The following PRH1 variants were observed in gnomAD, a reference collection of about 807,000 sequenced individuals.
PRH1 encodes the protein proline rich protein HaeIII subfamily 1.
PRH1 carries 7 observed loss-of-function variants against 7.9 expected under a neutral mutation model. That is an observed-to-expected ratio of 0.89 (90% CI 0.50 to 1.67). The LOEUF (loss-of-function observed/expected upper bound fraction) is 1.67. PRH1 is among the 40% of genes most tolerant of loss of function. The probability of loss-of-function intolerance (pLI) is 0.00; values close to 1 mark genes in which losing one functional copy is unlikely to be tolerated. For synonymous variants in PRH1, 45 were observed against 80.8 expected (o/e 0.56, Z 2.38); for missense variants, 109 against 223.6 (o/e 0.49, Z 3.27).
chr12:10,964,919 A>G, intron 2 of PRH1: 1 of 589,842 alleles, frequency 1.7e-6, no homozygotes, highest in Non-Finnish European at 3.1e-6. Context: ...GTTTACCACA[A>G]CAAGATGACA....
intron 2 of PRH1, among the ~76,000 whole-genome samples, chr12:10,970,462 A>C: frequency 6.6e-6 from 1 of 152,206 alleles, no homozygotes; most frequent in East Asian, 1.9e-4. Context: ...GCAATGTATC[A>C]ATATTCAAAA....
At chr12:11,096,050 T>C (rs990594664) in intron 1 of PRH1, among the ~76,000 whole-genome samples, 3 of 113,776 alleles carry the variant, frequency 2.6e-5, no homozygotes, top group African/African-American at 8.9e-5. Flanking sequence ...TGTCATTTTA[T>C]GTTAATTTGG....
chr12:10,908,744 C>A, intron 2 of PRH1: 2 of 1,613,848 alleles, frequency 1.2e-6, no homozygotes, highest in South Asian at 2.2e-5. Flanking sequence ...TTAGACTGAA[C>A]ATAGTCATAG....
At chr12:11,060,530 A>T (rs73053046) in intron 1 of PRH1, among the ~76,000 whole-genome samples, 32,247 of 141,860 alleles carry the variant, frequency 0.23, 3,247 homozygotes, top group Non-Finnish European at 0.25. Flanking sequence ...TCTCAACTTC[A>T]AAAAAAAAGC....
chr12:11,047,839 C>T (rs1327942103), upstream of PRH1, among the ~76,000 whole-genome samples: 3 of 152,162 alleles, frequency 2.0e-5, no homozygotes, highest in Non-Finnish European at 4.4e-5. Context: ...ATAAAACCTA[C>T]CCCAAAGATC....
chr12:11,018,918 A>T lies in PRH1; in HGVS notation c.-126+28102T>A, dbSNP rs1267904405. Among the ~76,000 whole-genome samples the T allele has an allele frequency of 5.3e-5, 8 of 152,294 alleles. No individual in the cohort carries two copies. The East Asian group carries it at 1.5e-3, about 29-fold the overall frequency. ...CCCGAAGGGACTGTCTGGTGGGGGG[A>T]AAGTAAACAGTTCTATGTGCATGTC... On this transcript the variant is annotated intron_variant, in intron 1 of 3. Coordinates refer to the PRH1 transcript ENST00000539853.
At chr12:10,903,227 G>T (rs928029606) in intron 2 of PRH1, among the ~76,000 whole-genome samples, 1 of 151,922 alleles carries the variant, frequency 6.6e-6, no homozygotes, top group African/African-American at 2.4e-5. Flanking sequence ...AGATAAAACA[G>T]ATTTTAAACC....
rs1018554983 is a variant in PRH1 at position 10,909,273 on chromosome 12, A to G, written c.-58-24998T>C. On this transcript the variant is annotated intron_variant, in intron 2 of 3. Transcript: ENST00000539853. ...GAATTCTGCAATTATTACAAGAGTG[A>G]AGATACTCGGCAGGGCACTTTCCAT... 1.2e-6 allele frequency: 2 copies of G among 1,613,078 alleles called. No homozygotes were observed. The highest frequency in any genetic ancestry group is 1.3e-5 in the African/African-American group (1 of 74,978).
chr12:11,065,687 G>C (rs1565613807), intron 1 of PRH1, among the ~76,000 whole-genome samples: 2 of 152,104 alleles, frequency 1.3e-5, no homozygotes, highest in Admixed American at 6.5e-5. Flanking sequence ...ACTAAACAAA[G>C]TATTTATAAC....
intron 1 of PRH1, among the ~76,000 whole-genome samples, chr12:10,978,494 C>T (rs1291063505): frequency 6.6e-6 from 1 of 152,092 alleles, no homozygotes; most frequent in Admixed American, 6.5e-5. Context: ...CTAGGAAATA[C>T]CTTTCTGGAC....
chr12:10,928,105 G>T (rs1950148846), intron 2 of PRH1, among the ~76,000 whole-genome samples: 1 of 150,688 alleles, frequency 6.6e-6, no homozygotes, highest in Admixed American at 6.6e-5. Flanking sequence ...TATATAGGAA[G>T]AAAATTACAA....
At chr12:10,929,414 G>A (rs1950170323) in intron 2 of PRH1, 1 of 1,567,260 alleles carries the variant, frequency 6.4e-7, no homozygotes, top group Non-Finnish European at 8.8e-7. Flanking sequence ...GAAAGTGGAG[G>A]GAAGAGAGGA....
chr12:10,971,370 T>C (rs1938808330), intron 2 of PRH1, among the ~76,000 whole-genome samples: 1 of 151,972 alleles, frequency 6.6e-6, no homozygotes, highest in Non-Finnish European at 1.5e-5. Context: ...CTTGTGAGTA[T>C]TATCTAATCA....
At chr12:11,002,846 A>G (rs1026372306) in intron 1 of PRH1, among the ~76,000 whole-genome samples, 6 of 152,100 alleles carry the variant, frequency 3.9e-5, no homozygotes, top group African/African-American at 1.4e-4. Flanking sequence ...GCACATGCAT[A>G]GTATTGTGAT....
intron 2 of PRH1, among the ~76,000 whole-genome samples, chr12:10,918,322 A>T (rs1390627283): frequency 1.3e-5 from 2 of 152,152 alleles, no homozygotes; most frequent in African/African-American, 4.8e-5. Context: ...CATGGCACAC[A>T]TTAACCTATG....
chr12:10,909,268 GA>G lies in PRH1; in HGVS notation c.-58-24994del, dbSNP rs370449799. ...ATTATGAATTCTGCAATTATTACAAGAGTGAAGATACTCGGCAGGGCACTTT... is the reference window on the plus strand; with the variant it reads ...ATTATGAATTCTGCAATTATTACAAGGTGAAGATACTCGGCAGGGCACTTT... On this transcript the variant is annotated intron_variant, in intron 2 of 3. Coordinates refer to the PRH1 transcript ENST00000539853. 52 of 1,613,288 alleles carry G rather than the reference GA, an allele frequency of 3.2e-5. No homozygotes were observed. The Middle Eastern group carries it at 5.0e-4, about 15-fold the overall frequency.
At chr12:10,934,145 T>G (rs181189568) in intron 2 of PRH1, among the ~76,000 whole-genome samples, 209 of 152,310 alleles carry the variant, frequency 1.4e-3, no homozygotes, top group African/African-American at 4.7e-3. Context: ...AATGCCATTG[T>G]GATAGCAAGC....
intron 1 of PRH1, among the ~76,000 whole-genome samples, chr12:11,057,525 C>T (rs945462964): frequency 2.6e-5 from 4 of 152,202 alleles, no homozygotes; most frequent in African/African-American, 9.7e-5. Context: ...GCTGGCAACC[C>T]AATGTATAAA....
At chr12:11,159,748 A>T (rs1947358708) in intron 1 of PRH1, 1 of 152,192 alleles carries the variant, frequency 6.6e-6, no homozygotes. Flanking sequence ...ATAGTCAAAC[A>T]GTTGCAGATG....
Sources: gnomAD v4.1 joint callset for allele counts (sites outside exome capture counted in the v4.1 genomes callset) on GRCh38, gnomAD v4.1.1 for gene constraint, MANE v1.5 for transcripts, NCBI Gene and HGNC (gene_info 2026-07-23, HGNC 2026-07-21) for gene names.